The following RUFY4 variants were observed in gnomAD, a reference collection of about 807,000 sequenced individuals.
RUFY4 encodes the protein RUN and FYVE domain containing 4.
RUFY4 carries 73 observed loss-of-function variants against 69.0 expected under a neutral mutation model. That is an observed-to-expected ratio of 1.06 (90% CI 0.88 to 1.29). The LOEUF (loss-of-function observed/expected upper bound fraction) is 1.29, where lower values mean the gene tolerates loss of function less well. RUFY4 is among the 50% of genes most tolerant of loss of function. The pLI is 0.00. For synonymous variants in RUFY4, 287 were observed against 271.8 expected (o/e 1.06, Z -0.55); for missense variants, 770 against 705.6 (o/e 1.09, Z -1.03).
At chr2:218,048,217 C>T (rs576514410) in intron 2 of RUFY4, among the ~76,000 whole-genome samples, 5 of 152,264 alleles carry the variant, frequency 3.3e-5, no homozygotes, top group South Asian at 2.1e-4. Flanking sequence ...TTTTTTTACA[C>T]GATTGCTGAC....
chr2:218,060,757 C>T (rs767051187), intron 3 of RUFY4: 23 of 1,525,268 alleles, frequency 1.5e-5, no homozygotes, highest in Admixed American at 6.7e-5. Context: ...CGCAGCGGCA[C>T]GATGAAGCCA....
At position 218,073,155 on chromosome 2, in the gene RUFY4, T is replaced by C. The variant is rs924553772; in HGVS notation, c.387-88T>C. 1.1e-5 allele frequency: 16 copies of C among 1,479,276 alleles called. No homozygotes were observed. The African/African-American group carries it at 2.2e-4, about 21-fold the overall frequency. 91.6% of individuals were successfully genotyped at this position (1,479,276 alleles called of 1,614,324 possible). ...ACGGTGTGTAGTGGAGGCTGCTTTG[T>C]TGAGGTTGAGCTGGGGTGGGGGTGG... On this transcript the variant is annotated intron_variant, in intron 4 of 10. Transcript: ENST00000344321.
At chr2:218,078,993 G>A (rs1434834949) in intron 8 of RUFY4, among the ~76,000 whole-genome samples, 5 of 152,076 alleles carry the variant, frequency 3.3e-5, no homozygotes, top group Admixed American at 6.5e-5. Flanking sequence ...TCAGCCTCCC[G>A]AGTAGCTGGG....
At chr2:218,078,128 G>A (rs1161529541) in intron 8 of RUFY4, among the ~76,000 whole-genome samples, 1 of 152,326 alleles carries the variant, frequency 6.6e-6, no homozygotes, top group Middle Eastern at 3.4e-3. Flanking sequence ...CCCTCATGGA[G>A]CTTGCATTCT....
intron 2 of RUFY4, among the ~76,000 whole-genome samples, chr2:218,056,138 A>G (rs780739511): frequency 7.2e-5 from 11 of 151,900 alleles, no homozygotes; most frequent in Non-Finnish European, 1.3e-4. Context: ...ACAGGTCTCA[A>G]TTTGATTTGC....
chr2:218,060,999 C>T (rs1179470469), intron 3 of RUFY4: 1 of 764,168 alleles, frequency 1.3e-6, no homozygotes, highest in Non-Finnish European at 2.4e-6. Flanking sequence ...ACAGTCCATG[C>T]TGCGGCAGGC....
At chr2:218,072,531 G>A (rs533606651) in intron 3 of RUFY4, 32 bp downstream of exon 5, 14 of 1,534,792 alleles carry the variant, frequency 9.1e-6, no homozygotes, top group African/African-American at 2.7e-5. Context: ...GAAGGCTGAC[G>A]GGGTGGGGGT....
chr2:218,053,959 G>A (rs1203404234), intron 2 of RUFY4, among the ~76,000 whole-genome samples: 2 of 152,150 alleles, frequency 1.3e-5, no homozygotes, highest in African/African-American at 4.8e-5. Flanking sequence ...CATCTTTTAA[G>A]TTATATTCAT....
intron 3 of RUFY4, chr2:218,060,843 C>A (rs1168425609): frequency 5.2e-6 from 8 of 1,547,196 alleles, no homozygotes; most frequent in Non-Finnish European, 7.1e-6. Context: ...GCAGACTGGG[C>A]TAACATTGGA....
chr2:218,090,188 C>T (rs1440755057), exon 11 of RUFY4: 1 of 478,944 alleles, frequency 2.1e-6, no homozygotes, highest in African/African-American at 2.0e-5. Flanking sequence ...TCTAAGGCAC[C>T]AGCACTTCTG....
chr2:218,078,512 A>C (rs778916650), intron 8 of RUFY4, among the ~76,000 whole-genome samples: 8 of 152,176 alleles, frequency 5.3e-5, no homozygotes, highest in Non-Finnish European at 1.0e-4. Context: ...CCAAGGAGGC[A>C]GGTTAGGGAG....
intron 3 of RUFY4, among the ~76,000 whole-genome samples, chr2:218,063,331 T>C (rs539645073): frequency 6.6e-6 from 1 of 152,230 alleles, no homozygotes; most frequent in South Asian, 2.1e-4. Context: ...AGAACCCACT[T>C]CACACTCACC....
chr2:218,089,852 A>G, intron 10 of RUFY4, 100 bp from the exon 13 acceptor site: 1 of 819,204 alleles, frequency 1.2e-6, no homozygotes, highest in Admixed American at 2.0e-5. Context: ...CAGATGTCTC[A>G]GGTGGACCTG....
intron 8 of RUFY4, among the ~76,000 whole-genome samples, chr2:218,077,855 G>A (rs534870084): frequency 6.6e-6 from 1 of 152,316 alleles, no homozygotes; most frequent in South Asian, 2.1e-4. Flanking sequence ...CACGATTCAG[G>A]GCAAAATGAA....
At chr2:218,038,151 T>A (rs1559418394) in intron 2 of RUFY4, among the ~76,000 whole-genome samples, 1 of 152,122 alleles carries the variant, frequency 6.6e-6, no homozygotes, top group Non-Finnish European at 1.5e-5. Flanking sequence ...CTTAAAGTTA[T>A]CAAAAACCTT....
At position 218,037,474 on chromosome 2, in the gene RUFY4, A is replaced by G. The variant is rs60079324; in HGVS notation, c.-1158+2080A>G. On this transcript the variant is annotated intron_variant and NMD_transcript_variant, in intron 2 of 13. Coordinates refer to the RUFY4 transcript ENST00000457754. ...CAAAGTAAGACTAATTTGTTTGCAA[A>G]ATAAGTTTAGCCTCATCAAACACAG... Among the ~76,000 whole-genome samples the G allele has an allele frequency of 7.8e-3, 1,187 of 152,364 alleles. 14 individuals are homozygous for G. Among genetic ancestry groups the G allele is most frequent in the African/African-American group, 0.027 (1,129 of 41,580 alleles).
At chr2:218,074,083 C>T (rs376481408) in intron 6 of RUFY4, 198 bp downstream of exon 8, 20 of 623,460 alleles carry the variant, frequency 3.2e-5, no homozygotes, top group African/African-American at 1.8e-4. Context: ...CCTGGGGTGG[C>T]GGGGACACTG....
chr2:218,085,622 G>A (rs567557046), intron 9 of RUFY4, among the ~76,000 whole-genome samples: 7 of 152,304 alleles, frequency 4.6e-5, no homozygotes, highest in African/African-American at 1.4e-4. Flanking sequence ...GCCACACATG[G>A]CAGAAGTGAG....
intron 2 of RUFY4, among the ~76,000 whole-genome samples, chr2:218,043,154 A>G (rs529335710): frequency 1.4e-4 from 21 of 152,114 alleles, no homozygotes; most frequent in Non-Finnish European, 2.1e-4. Context: ...TGTCTCATTG[A>G]GTCTTCAGCT....
Sources: gnomAD v4.1 joint callset for allele counts (sites outside exome capture counted in the v4.1 genomes callset) on GRCh38, gnomAD v4.1.1 for gene constraint, MANE v1.5 for transcripts, NCBI Gene and HGNC (gene_info 2026-07-23, HGNC 2026-07-21) for gene names.